The following SLC26A8 variants were observed in gnomAD, a reference collection of about 807,000 sequenced individuals.
The protein encoded by SLC26A8 is solute carrier family 26 member 8, also known as testis anion transporter 1.
SLC26A8 carries 70 observed loss-of-function variants against 105.0 expected under a neutral mutation model. The observed-to-expected ratio is 0.67, with a 90% CI of 0.55 to 0.81. The LOEUF (loss-of-function observed/expected upper bound fraction) is 0.81. Among genes scored for constraint, SLC26A8 ranks in the 40% least tolerant of loss-of-function variants. The probability of loss-of-function intolerance (pLI) is 0.00; values close to 1 mark genes in which losing one functional copy is unlikely to be tolerated. For missense variants in SLC26A8, 998 were observed against 1,181.8 expected (o/e 0.84, Z 2.28); for synonymous variants, 415 against 438.3 (o/e 0.95, Z 0.66).
rs144134750 is a variant in SLC26A8, at chr6:35,953,679, A to G, written c.2232+1473T>C. On this transcript the variant is annotated intron_variant, in intron 17 of 19. Coordinates refer to ENST00000490799, the MANE Select transcript of SLC26A8 (RefSeq NM_052961.4). ...GAGTCAGAAAGTGGTGTTGAAAAAT[A>G]AAAGGATCTCATGGATGGGAAAGCT... Among the ~76,000 whole-genome samples the G allele has an allele frequency of 3.8e-4, 58 of 152,328 alleles. 1 individual carries two copies. In the East Asian group the frequency reaches 0.01, roughly 27 times the overall value.
chr6:36,003,338 C>T (rs1269381161), intron 3 of SLC26A8, among the ~76,000 whole-genome samples: 2 of 152,186 alleles, frequency 1.3e-5, no homozygotes, highest in African/African-American at 2.4e-5. Context: ...ATCTGATACA[C>T]ATCATGTGAT....
chr6:35,998,892 A>ATTAT (rs1056352448), intron 4 of SLC26A8, among the ~76,000 whole-genome samples: 5 of 151,928 alleles, frequency 3.3e-5, no homozygotes, highest in African/African-American at 9.7e-5. Context: ...CTTTATTTTT[A>ATTAT]TTATTTATTT....
chr6:35,954,539 G>A (rs1326544262), intron 17 of SLC26A8, among the ~76,000 whole-genome samples: 1 of 152,178 alleles, frequency 6.6e-6, no homozygotes, highest in Non-Finnish European at 1.5e-5. Flanking sequence ...GAGTTACTGG[G>A]CGTGGCACAG....
At position 35,943,971 on chromosome 6, in the gene SLC26A8, A is replaced by G. The variant is rs1183742240; in HGVS notation, c.2842T>C (p.Trp948Arg). The G allele has an allele frequency of 1.2e-6, 2 of 1,614,016 alleles. No individual in the cohort carries two copies. Among genetic ancestry groups the G allele is most frequent in the African/African-American group, 1.3e-5 (1 of 74,906 alleles). ...GGATGGCGTCTCCTCTCCACTGACC[A>G]TGTCCGAGTCTGAGTCTGAGACTGG... ...STQSQTQTRT[W>R]SVERRRHPMD... The change falls in exon 20 of 20, where the codon TGG becomes CGG. Residue 948 changes from tryptophan to arginine, a missense_variant. Coordinates refer to ENST00000490799, the MANE Select transcript of SLC26A8 (RefSeq NM_052961.4).
intron 12 of SLC26A8, among the ~76,000 whole-genome samples, chr6:35,962,083 G>A (rs1562025160): frequency 1.3e-5 from 2 of 152,014 alleles, no homozygotes; most frequent in African/African-American, 2.4e-5. Flanking sequence ...AAAATTAGCC[G>A]GGCATGGTGG....
chr6:35,969,857 T>C (rs972216194), intron 10 of SLC26A8: 2 of 152,232 alleles, frequency 1.3e-5, no homozygotes, highest in African/African-American at 4.8e-5. Flanking sequence ...CAAGGCTGTA[T>C]ATAGCAGCTC....
chr6:35,958,978 C>A, intron 16 of SLC26A8, among the ~76,000 whole-genome samples: 1 of 152,304 alleles, frequency 6.6e-6, no homozygotes, highest in South Asian at 2.1e-4. Context: ...CTCCCCGCTC[C>A]TTTCCCCCAT....
At chr6:35,948,809 A>G (rs1581620570) in intron 19 of SLC26A8, among the ~76,000 whole-genome samples, 1 of 152,200 alleles carries the variant, frequency 6.6e-6, no homozygotes, top group Non-Finnish European at 1.5e-5. Flanking sequence ...TGGTGGTATT[A>G]AGAGGTGAGG....
At chr6:35,993,628 T>C (rs147743957) in intron 5 of SLC26A8, among the ~76,000 whole-genome samples, 131 of 152,280 alleles carry the variant, frequency 8.6e-4, no homozygotes, top group African/African-American at 2.9e-3. Context: ...AGACCTCAAA[T>C]GATTAACAGG....
chr6:36,012,206 G>C (rs748229231), intron 3 of SLC26A8, 27 bp downstream of exon 3: 1 of 1,607,070 alleles, frequency 6.2e-7, no homozygotes, highest in South Asian at 1.1e-5. Flanking sequence ...ATTGTCTTTG[G>C]ATGAACAGGC....
chr6:36,007,343 C>A (rs1761716339), intron 3 of SLC26A8, among the ~76,000 whole-genome samples: 1 of 152,082 alleles, frequency 6.6e-6, no homozygotes, highest in Non-Finnish European at 1.5e-5. Flanking sequence ...TAATTGGAGA[C>A]TGAACCATCA....
chr6:35,950,663 C>A (rs563928931), intron 19 of SLC26A8, among the ~76,000 whole-genome samples: 1 of 152,266 alleles, frequency 6.6e-6, no homozygotes, highest in East Asian at 1.9e-4. Context: ...TTGAGTAAAT[C>A]TCATACCACA....
chr6:35,950,550 G>A (rs1771833961), intron 19 of SLC26A8, among the ~76,000 whole-genome samples: 1 of 152,076 alleles, frequency 6.6e-6, no homozygotes, highest in African/African-American at 2.4e-5. Context: ...CTCCCAAGGT[G>A]CTAGGATTAC....
intron 9 of SLC26A8, 66 bp from the exon 10 acceptor site, chr6:35,975,554 G>T: frequency 2.3e-6 from 2 of 882,772 alleles, no homozygotes; most frequent in Non-Finnish European, 1.8e-6. Flanking sequence ...TTGAGTTGAA[G>T]GCATATGGTT....
rs1318418131 is a variant in SLC26A8 at position 35,981,802 on chromosome 6, T to C, written c.1025+319A>G. On this transcript the variant is annotated intron_variant, in intron 8 of 19. Transcript: ENST00000490799. The surrounding 1 kb of genome is among the most constrained non-coding windows in gnomAD (Gnocchi z 4.0). The stretch of plus-strand genomic sequence containing the variant: ...GCATCTCTTGTCCACCCCTTGAGAA[T>C]TAATCAGAGAGGTATAGTAGTTGAG... Among the ~76,000 whole-genome samples, 2 of 152,144 alleles carry C rather than the reference T, an allele frequency of 1.3e-5. No homozygotes were observed. The highest frequency in any genetic ancestry group is 4.8e-5 in the African/African-American group (2 of 41,448).
chr6:35,972,085 C>T (rs888354310), intron 10 of SLC26A8, among the ~76,000 whole-genome samples: 1 of 152,182 alleles, frequency 6.6e-6, no homozygotes, highest in Non-Finnish European at 1.5e-5. Flanking sequence ...GAGTTCTAGA[C>T]AGCAAGAAAT....
chr6:36,018,314 A>C (rs1026713359), intron 2 of SLC26A8, among the ~76,000 whole-genome samples: 1 of 152,236 alleles, frequency 6.6e-6, no homozygotes, highest in Non-Finnish European at 1.5e-5. Context: ...AATACAATGG[A>C]ATATTATTCA....
chr6:35,991,632 T>C (rs770221431), intron 7 of SLC26A8, 27 bp downstream of exon 7: 4 of 1,488,990 alleles, frequency 2.7e-6, no homozygotes, highest in Non-Finnish European at 3.6e-6. Flanking sequence ...ATGCAAACTA[T>C]GAATTTGAGA....
intron 10 of SLC26A8, chr6:35,969,346 T>C (rs1772689089): frequency 5.4e-6 from 1 of 183,646 alleles, no homozygotes; most frequent in South Asian, 1.0e-4. Flanking sequence ...ACACCTGTAA[T>C]CCTAGCACAT....
Sources: gnomAD v4.1 joint callset for allele counts (sites outside exome capture counted in the v4.1 genomes callset) on GRCh38, gnomAD v4.1.1 for gene constraint, Gnocchi (gnomAD v3.1) non-coding constraint, MANE v1.5 for transcripts, NCBI Gene and HGNC (gene_info 2026-07-23, HGNC 2026-07-21) for gene names.